Variants in CUX1 observed in about 807,000 individuals in gnomAD.
The protein encoded by CUX1 is cut like homeobox 1, also known as protein CASP.
A neutral mutation model predicts 158.8 loss-of-function variants in CUX1; 31 were observed. The ratio of observed to expected loss-of-function variants is 0.20; its 90% CI spans 0.15 to 0.26. The LOEUF (loss-of-function observed/expected upper bound fraction) is 0.26. CUX1 is among the 10% of genes least tolerant of loss of function. CUX1 has a pLI of 1.00. For synonymous variants in CUX1, 879 were observed against 862.1 expected, an observed-to-expected ratio of 1.02 and a Z score of -0.34; for missense variants, 1,589 against 2,014.6, an observed-to-expected ratio of 0.79 and a Z score of 4.04.
intron 9 of CUX1, among the ~76,000 whole-genome samples, chr7:102,170,141 G>T (rs1791546652): frequency 6.6e-6 from 1 of 152,180 alleles, no homozygotes; most frequent in Non-Finnish European, 1.5e-5. Context: ...TGAATCAAAA[G>T]ACTCGATTTC....
At chr7:102,180,946 ATTTTATTTTATT>A (rs1170472127) in intron 11 of CUX1, among the ~76,000 whole-genome samples, 124 of 125,344 alleles carry the variant, frequency 9.9e-4, no homozygotes, top group African/African-American at 4.7e-3. Flanking sequence ...ATTTTATTTT[ATTTTATTTTATT>A]TGAGACGGAA....
chr7:101,915,970 T>G, intron 1 of CUX1, 145 bp from the exon 2 acceptor site: 2 of 649,882 alleles, frequency 3.1e-6, no homozygotes, highest in Non-Finnish European at 5.7e-6. Context: ...CCCGCCACCC[T>G]CCAGCCCCTC....
chr7:102,215,723 T>C (rs1796983562), intron 20 of CUX1, among the ~76,000 whole-genome samples: 1 of 152,126 alleles, frequency 6.6e-6, no homozygotes, highest in South Asian at 2.1e-4. Flanking sequence ...GTGAGTTCAC[T>C]CACCTGGGCA....
intron 1 of CUX1, chr7:101,913,105 A>C: frequency 5.0e-6 from 1 of 198,324 alleles, no homozygotes; most frequent in East Asian, 1.6e-4. Context: ...AGCGTCCTTC[A>C]GAAAGGATTT....
intron 14 of CUX1, among the ~76,000 whole-genome samples, chr7:102,263,346 C>T (rs1365063315): frequency 7.9e-6 from 1 of 126,170 alleles, no homozygotes; most frequent in African/African-American, 3.0e-5. Context: ...GATGGAGTCT[C>T]ACTGTTGCCC....
At chr7:102,234,341 T>C in intron 22 of CUX1, 101 bp downstream of exon 22, 1 of 1,158,094 alleles carries the variant, frequency 8.6e-7, no homozygotes, top group South Asian at 2.4e-5. Flanking sequence ...CATTGACCCA[T>C]GACCAAGGGA....
chr7:102,219,268 A>G (rs923233800), intron 20 of CUX1, among the ~76,000 whole-genome samples: 1 of 151,874 alleles, frequency 6.6e-6, no homozygotes, highest in African/African-American at 2.4e-5. Context: ...ACTGGCACCC[A>G]TTGGTGGGGG....
chr7:102,075,860 A>T (rs1458284762), intron 4 of CUX1, among the ~76,000 whole-genome samples: 2 of 152,230 alleles, frequency 1.3e-5, no homozygotes, highest in Admixed American at 1.3e-4. Flanking sequence ...GGAGTTGCCC[A>T]AACCAGCACA....
intron 1 of CUX1, among the ~76,000 whole-genome samples, chr7:101,877,010 A>G (rs752306305): frequency 5.9e-5 from 9 of 152,228 alleles, no homozygotes; most frequent in East Asian, 3.9e-4. Flanking sequence ...CAGCTTTTCT[A>G]TGATTTTTAA....
intron 4 of CUX1, among the ~76,000 whole-genome samples, chr7:102,094,791 G>A (rs1490993125): frequency 1.3e-5 from 2 of 152,170 alleles, no homozygotes; most frequent in Non-Finnish European, 2.9e-5. Flanking sequence ...TCTGTACAAA[G>A]GAGGCTGTGA....
chr7:102,282,786 C>T, intron 22 of CUX1: 4 of 1,608,484 alleles, frequency 2.5e-6, no homozygotes, highest in Non-Finnish European at 3.4e-6. Flanking sequence ...AGTGAGGACC[C>T]CCACTTGGGC....
At chr7:102,210,117 G>T (rs1554522742) in intron 20 of CUX1, among the ~76,000 whole-genome samples, 3 of 151,962 alleles carry the variant, frequency 2.0e-5, no homozygotes, top group Non-Finnish European at 4.4e-5. Flanking sequence ...TGTTTTTTGA[G>T]ATGGAGTCTC....
At chr7:102,165,342 G>A (rs568656326) in intron 9 of CUX1, among the ~76,000 whole-genome samples, 35 of 148,076 alleles carry the variant, frequency 2.4e-4, no homozygotes, top group Middle Eastern at 6.9e-3. Flanking sequence ...ACTGCGGTTA[G>A]GGGAAAGCTT....
chr7:102,205,127 G>A lies in CUX1; in HGVS notation c.3087G>A (p.Val1029=), dbSNP rs1554520741. The A allele has an allele frequency of 6.2e-7, 1 of 1,611,040 alleles. No homozygotes were observed. Residue 1029 remains valine, a synonymous_variant, in exon 20 of 24, where the codon GTG becomes GTA. Transcript: ENST00000292535. ...TTTCTACTTTAGTCCTCCACTCCGT[G>A]ACATCGCTCCAGGACCCGCTGCAGC... ...GQQQGPVLHS[V]TSLQDPLQQG...
At chr7:101,821,634 G>A (rs1032251422) in intron 1 of CUX1, among the ~76,000 whole-genome samples, 3 of 146,496 alleles carry the variant, frequency 2.0e-5, no homozygotes, top group African/African-American at 5.0e-5. Flanking sequence ...CACCGTGCCC[G>A]GCCCCTATTT....
At chr7:101,848,752 C>T (rs1795963119) in intron 1 of CUX1, among the ~76,000 whole-genome samples, 1 of 151,630 alleles carries the variant, frequency 6.6e-6, no homozygotes, top group Admixed American at 6.6e-5. Flanking sequence ...TGGTTTATGC[C>T]TGTAGTGCAA....
chr7:101,860,939 G>A (rs928905042), intron 1 of CUX1, among the ~76,000 whole-genome samples: 1 of 151,986 alleles, frequency 6.6e-6, no homozygotes, highest in Non-Finnish European at 1.5e-5. Context: ...GTGAGGTTCC[G>A]GGAACACAGG....
At chr7:102,159,987 C>T (rs1479128677) in intron 9 of CUX1, among the ~76,000 whole-genome samples, 1 of 152,152 alleles carries the variant, frequency 6.6e-6, no homozygotes, top group Non-Finnish European at 1.5e-5. Context: ...TTGAGGCCAG[C>T]CTGGCCAACA....
intron 2 of CUX1, among the ~76,000 whole-genome samples, chr7:102,020,236 C>G (rs1471769872): frequency 6.6e-6 from 1 of 152,116 alleles, no homozygotes; most frequent in East Asian, 1.9e-4. Flanking sequence ...ATCACAAGGA[C>G]TGGAAGGAAT....
Sources: allele counts gnomAD v4.1 joint callset (sites outside exome capture counted in the v4.1 genomes callset), GRCh38; gene constraint gnomAD v4.1.1; transcripts MANE v1.5; gene names NCBI Gene and HGNC (gene_info 2026-07-23, HGNC 2026-07-21).